Variants in GABPA observed in about 807,000 individuals in gnomAD.
GABPA encodes the protein GA binding protein transcription factor subunit alpha.
In GABPA, 4 loss-of-function variants were observed where a neutral mutation model predicts 59.4. The observed-to-expected ratio is 0.07, with a 90% CI of 0.03 to 0.15. GABPA has a LOEUF of 0.15. Among genes scored for constraint, GABPA ranks in the 10% least tolerant of loss-of-function variants. GABPA has a pLI of 1.00. For missense variants in GABPA, 251 were observed against 543.8 expected, an observed-to-expected ratio of 0.46 and a Z score of 5.36; for synonymous variants, 164 against 183.1, an observed-to-expected ratio of 0.90 and a Z score of 0.84.
At position 25,771,648 on chromosome 21, in the gene GABPA, T is replaced by C. The variant is rs558812994; in HGVS notation, c.*2416T>C. 1.2e-4 allele frequency: 18 copies of C among 152,026 alleles called. No individual in the cohort carries two copies. Among genetic ancestry groups the C allele is most frequent in the Non-Finnish European group, 1.3e-4 (9 of 67,876 alleles). The allele number at this position is 152,026 out of a possible 1,614,324, so 9.4% of individuals were successfully genotyped here. On this transcript the variant is annotated 3_prime_UTR_variant, in exon 10 of 10. Coordinates refer to ENST00000400075, the MANE Select transcript of GABPA (RefSeq NM_002040.4). Reference sequence around the variant, plus strand: ...AATAAAATTTATGCTATTCTTTGCTTTGTTTTTATAAATGAATTTTTCATA... The same window carrying C: ...AATAAAATTTATGCTATTCTTTGCTCTGTTTTTATAAATGAATTTTTCATA...
At chr21:25,763,482 G>C (rs1034124675) in intron 7 of GABPA, 1 of 167,486 alleles carries the variant, frequency 6.0e-6, no homozygotes, top group Non-Finnish European at 1.3e-5. Flanking sequence ...TATACCTGTT[G>C]TAGGTTTCAT....
rs544878696 is a variant in GABPA, at chr21:25,742,532, G to A, written c.77+857G>A. The stretch of plus-strand genomic sequence containing the variant: ...CAACTTGTTTATCCCAGTTTTTCCA[G>A]CATAAGAAAGAGGGAATGCATGCTT... On this transcript the variant is annotated intron_variant, in intron 2 of 9. Coordinates refer to ENST00000400075, the MANE Select transcript of GABPA (RefSeq NM_002040.4). Among the ~76,000 whole-genome samples, 7 of 152,236 alleles carry A rather than the reference G, an allele frequency of 4.6e-5. No homozygotes were observed. The South Asian group carries it at 1.5e-3, about 32-fold the overall frequency.
At chr21:25,762,432 T>C in intron 7 of GABPA, 67 bp downstream of exon 7, 1 of 1,174,488 alleles carries the variant, frequency 8.5e-7, no homozygotes, top group South Asian at 1.5e-5. Flanking sequence ...CGCAAGGTAA[T>C]AAAAAGGAAA....
intron 9 of GABPA, among the ~76,000 whole-genome samples, chr21:25,766,825 CAT>C (rs1484233639): frequency 1.3e-5 from 2 of 151,972 alleles, no homozygotes; most frequent in Non-Finnish European, 2.9e-5. Flanking sequence ...TGCCCATACA[CAT>C]GTTCATAGCA....
intron 4 of GABPA, among the ~76,000 whole-genome samples, chr21:25,749,980 C>T (rs1349144636): frequency 1.3e-5 from 2 of 152,148 alleles, no homozygotes; most frequent in Non-Finnish European, 2.9e-5. Context: ...TGCTTTGTAT[C>T]TATTATTACT....
At chr21:25,746,362 C>T (rs746423949) in intron 3 of GABPA, among the ~76,000 whole-genome samples, 3 of 152,144 alleles carry the variant, frequency 2.0e-5, no homozygotes, top group African/African-American at 7.2e-5. Context: ...TATATTGTTT[C>T]ATCTTCTGGA....
intron 3 of GABPA, 72 bp downstream of exon 3, chr21:25,745,426 C>A: frequency 7.3e-7 from 1 of 1,373,466 alleles, no homozygotes; most frequent in Non-Finnish European, 1.0e-6. Context: ...TTAGCCTTTT[C>A]TTTATAGCTA....
At chr21:25,738,919 A>T (rs1171404562) in intron 1 of GABPA, among the ~76,000 whole-genome samples, 1 of 150,898 alleles carries the variant, frequency 6.6e-6, no homozygotes, top group African/African-American at 2.5e-5. Flanking sequence ...GACCAGCATC[A>T]GCAAGAAAAA....
chr21:25,746,924 A>G (rs2035381336), intron 3 of GABPA, among the ~76,000 whole-genome samples: 1 of 152,218 alleles, frequency 6.6e-6, no homozygotes, highest in Non-Finnish European at 1.5e-5. Context: ...ATAGAATAGA[A>G]TTCGAGGTAG....
intron 6 of GABPA, 51 bp from the exon 7 acceptor site, chr21:25,762,260 GT>G (rs1555879236): frequency 4.2e-6 from 4 of 961,192 alleles, no homozygotes; most frequent in African/African-American, 3.3e-5. Context: ...TTGGATTGGG[GT>G]TTTTATATTT....
chr21:25,768,127 C>G (rs1023129899), intron 9 of GABPA, among the ~76,000 whole-genome samples: 2 of 151,894 alleles, frequency 1.3e-5, no homozygotes, highest in African/African-American at 4.8e-5. Context: ...AGTCTGTTTT[C>G]CAAAGGAAAC....
chr21:25,741,962 C>T (rs1390866674), intron 2 of GABPA, among the ~76,000 whole-genome samples: 2 of 152,166 alleles, frequency 1.3e-5, no homozygotes, highest in Non-Finnish European at 2.9e-5. Flanking sequence ...GCACTGGTTG[C>T]TTTAATTTCA....
At chr21:25,747,381 A>C (rs1601121288) in intron 3 of GABPA, among the ~76,000 whole-genome samples, 1 of 152,314 alleles carries the variant, frequency 6.6e-6, no homozygotes, top group African/African-American at 2.4e-5. Flanking sequence ...CCTGCAGATT[A>C]CCCAGGCTCT....
chr21:25,735,878 C>T (rs71649646), intron 1 of GABPA, among the ~76,000 whole-genome samples: 5,256 of 152,132 alleles, frequency 0.035, 290 homozygotes, highest in African/African-American at 0.12. Context: ...CCCTCCTTTC[C>T]GCGTCCCCTC....
At chr21:25,739,923 T>G (rs2035176830) in intron 1 of GABPA, among the ~76,000 whole-genome samples, 1 of 152,238 alleles carries the variant, frequency 6.6e-6, no homozygotes, top group South Asian at 2.1e-4. Context: ...TGGCCCTAGC[T>G]GCGTTTTAAA....
Position 25,769,004 on chromosome 21 carries a change from A to G in GABPA, c.1137A>G (p.Arg379=), listed in dbSNP as rs778988551. 3 of 1,597,840 alleles carry G rather than the reference A, an allele frequency of 1.9e-6. No individual in the cohort carries two copies. The highest frequency in any genetic ancestry group is 2.2e-5 in the East Asian group (1 of 44,784). The change falls in exon 10 of 10, where the codon AGA becomes AGG. Residue 379 remains arginine, a splice_region_variant and synonymous_variant. Transcript: ENST00000400075. ...CTAATTTTTTTTTCTCTTTTTGAAG[A>G]TATTATTACGATGGGGACATGATTT... ...MNYEKLSRAL[R]YYYDGDMICK...
chr21:25,749,841 A>G (rs1376923701), intron 4 of GABPA, among the ~76,000 whole-genome samples: 1 of 152,218 alleles, frequency 6.6e-6, no homozygotes, highest in African/African-American at 2.4e-5. Context: ...CAATCAGTCA[A>G]TCAATAAAAA....
In GABPA at chr21:25,769,485, T is replaced by G; in HGVS notation, c.*253T>G. On this transcript the variant is annotated 3_prime_UTR_variant, in exon 10 of 10. Coordinates refer to ENST00000400075, the MANE Select transcript of GABPA (RefSeq NM_002040.4). ...AAGGCAGGTTCATTGTGGAATAGTTTAACAGTCAGGAAGGCTAAACTGGTC... is the reference window on the plus strand; with the variant it reads ...AAGGCAGGTTCATTGTGGAATAGTTGAACAGTCAGGAAGGCTAAACTGGTC... 2.5e-6 allele frequency: 1 copy of G among 395,574 alleles called. No homozygotes were observed. Among genetic ancestry groups the G allele is most frequent in the Non-Finnish European group, 4.6e-6 (1 of 215,688 alleles). 24.5% of individuals were successfully genotyped at this position (395,574 alleles called of 1,614,324 possible). A position where few individuals can be genotyped will look rare whatever the true frequency, so the allele number is the denominator to read the frequency against.
chr21:25,743,037 C>A (rs2035264901), intron 2 of GABPA, among the ~76,000 whole-genome samples: 1 of 151,962 alleles, frequency 6.6e-6, no homozygotes, highest in Admixed American at 6.6e-5. Context: ...CATGAGTTTG[C>A]AATGAAGCTG....
Sources: gnomAD v4.1 joint callset for allele counts (sites outside exome capture counted in the v4.1 genomes callset) on GRCh38, gnomAD v4.1.1 for gene constraint, MANE v1.5 for transcripts, NCBI Gene and HGNC (gene_info 2026-07-23, HGNC 2026-07-21) for gene names.